The following SYNPR variants were observed in gnomAD, a reference collection of about 807,000 sequenced individuals.
SYNPR encodes the protein synaptoporin.
Under a neutral mutation model 32.9 loss-of-function variants are expected in SYNPR, and 23 were observed. That is an observed-to-expected ratio of 0.70 (90% CI 0.50 to 0.99). The LOEUF is 0.99. Among genes scored for constraint, SYNPR ranks in the 50% least tolerant of loss-of-function variants. The probability of loss-of-function intolerance (pLI) is 0.00; values close to 1 mark genes in which losing one functional copy is unlikely to be tolerated. For synonymous variants in SYNPR, 146 were observed against 135.9 expected (o/e 1.07, Z -0.52); for missense variants, 318 against 349.3 (o/e 0.91, Z 0.71).
intron 2 of SYNPR, among the ~76,000 whole-genome samples, chr3:63,340,420 T>C (rs12489215): frequency 5.8e-3 from 48 of 8,330 alleles, no homozygotes; most frequent in Non-Finnish European, 0.011. Context: ...AAAAAATGTA[T>C]TTTTTTTTTT....
Position 63,342,443 on chromosome 3 carries a change from C to T in SYNPR, c.84+63701C>T, listed in dbSNP as rs534247487. ...ATTGATCGTATTTTGAATGCTGAATCCCATTTGCATACTAGAATAAATCCT... is the reference window on the plus strand; with the variant it reads ...ATTGATCGTATTTTGAATGCTGAATTCCATTTGCATACTAGAATAAATCCT... On this transcript the variant is annotated intron_variant, in intron 2 of 5. Coordinates refer to ENST00000478300, the MANE Select transcript of SYNPR (RefSeq NM_001130003.2). Among the ~76,000 whole-genome samples the T allele has an allele frequency of 4.6e-5, 7 of 152,238 alleles. No individual in the cohort carries two copies. In the East Asian group the frequency reaches 1.2e-3, roughly 25 times the overall value.
intron 4 of SYNPR, among the ~76,000 whole-genome samples, chr3:63,592,007 T>C (rs1699838282): frequency 6.6e-6 from 1 of 151,860 alleles, no homozygotes; most frequent in South Asian, 2.1e-4. Context: ...GCAGATGTAA[T>C]TCAGTTAAGG....
At chr3:63,225,499 G>A (rs1432047076), upstream of SYNPR, among the ~76,000 whole-genome samples, 2 of 152,128 alleles carry the variant, frequency 1.3e-5, no homozygotes, top group East Asian at 3.9e-4. Context: ...CTCAGAAGAA[G>A]GCCCTGAGAT....
At chr3:63,259,860 GA>G (rs2086421812) in intron 2 of SYNPR, among the ~76,000 whole-genome samples, 1 of 152,180 alleles carries the variant, frequency 6.6e-6, no homozygotes, top group Non-Finnish European at 1.5e-5. Flanking sequence ...TAAGGTGATA[GA>G]CAACTTCAGC....
intron 2 of SYNPR, among the ~76,000 whole-genome samples, chr3:63,325,705 G>C (rs909163698): frequency 4.0e-5 from 6 of 151,880 alleles, no homozygotes; most frequent in African/African-American, 1.2e-4. Context: ...CCTGGCTTAG[G>C]TAACCTTGGA....
chr3:63,552,048 C>T (rs1054803339), intron 3 of SYNPR, among the ~76,000 whole-genome samples: 3 of 151,938 alleles, frequency 2.0e-5, no homozygotes, highest in African/African-American at 2.4e-5. Flanking sequence ...CAGGTGCCCG[C>T]CACCATGTCT....
chr3:63,408,235 AAG>A (rs745462812), intron 2 of SYNPR, among the ~76,000 whole-genome samples: 1 of 95,156 alleles, frequency 1.1e-5, no homozygotes, highest in Admixed American at 1.1e-4. Context: ...GAAGGAAAGA[AAG>A]AAAGAAAGAA....
chr3:63,514,743 T>C (rs1701763106), intron 3 of SYNPR, among the ~76,000 whole-genome samples: 1 of 152,168 alleles, frequency 6.6e-6, no homozygotes, highest in Non-Finnish European at 1.5e-5. Context: ...ATTAGCATTT[T>C]GTATTTTAGC....
At chr3:63,455,047 T>C (rs1700455913) in intron 2 of SYNPR, among the ~76,000 whole-genome samples, 1 of 152,108 alleles carries the variant, frequency 6.6e-6, no homozygotes, top group Non-Finnish European at 1.5e-5. Flanking sequence ...TCTTTTTTAA[T>C]ACTTTCTGAT....
At chr3:63,438,083 T>A (rs1700115527) in intron 2 of SYNPR, among the ~76,000 whole-genome samples, 2 of 152,232 alleles carry the variant, frequency 1.3e-5, no homozygotes, top group African/African-American at 4.8e-5. Context: ...TTGGCCGCTC[T>A]GTGCTGGGCA....
chr3:63,540,911 C>CACACACAT (rs1475613721), intron 3 of SYNPR, among the ~76,000 whole-genome samples: 3 of 126,122 alleles, frequency 2.4e-5, no homozygotes, highest in Admixed American at 8.7e-5. Context: ...CACACACACA[C>CACACACAT]ACACACAATC....
intron 4 of SYNPR, among the ~76,000 whole-genome samples, chr3:63,584,701 A>G (rs978007317): frequency 2.6e-5 from 4 of 152,044 alleles, no homozygotes; most frequent in African/African-American, 7.2e-5. Flanking sequence ...AAAGAGGGAA[A>G]GTAGGAATAG....
chr3:63,318,177 G>T (rs750073798), intron 2 of SYNPR, among the ~76,000 whole-genome samples: 3 of 152,016 alleles, frequency 2.0e-5, no homozygotes, highest in Non-Finnish European at 4.4e-5. Flanking sequence ...CTGTCTCACA[G>T]CTTTTAAGAT....
At chr3:63,475,496 C>T (rs553646435) in intron 2 of SYNPR, among the ~76,000 whole-genome samples, 4 of 152,112 alleles carry the variant, frequency 2.6e-5, no homozygotes, top group African/African-American at 9.7e-5. Flanking sequence ...TGGGTTACAC[C>T]TTCAATGTCT....
At chr3:63,371,245 G>A (rs2087808750) in intron 2 of SYNPR, among the ~76,000 whole-genome samples, 1 of 151,682 alleles carries the variant, frequency 6.6e-6, no homozygotes, top group South Asian at 2.1e-4. Flanking sequence ...CACCCCACAG[G>A]GGCCTCCAGA....
At chr3:63,449,360 C>A (rs1192676014) in intron 2 of SYNPR, among the ~76,000 whole-genome samples, 1 of 152,094 alleles carries the variant, frequency 6.6e-6, no homozygotes, top group African/African-American at 2.4e-5. Flanking sequence ...TTCCTGAATT[C>A]ATGGAACTTC....
chr3:63,351,506 T>C (rs2087509702), intron 2 of SYNPR: 1 of 152,162 alleles, frequency 6.6e-6, no homozygotes, highest in Non-Finnish European at 1.5e-5. Flanking sequence ...GACAAGGAAA[T>C]TGAAATTAAA....
intron 2 of SYNPR, among the ~76,000 whole-genome samples, chr3:63,307,506 G>A (rs1344714878): frequency 6.6e-6 from 1 of 152,000 alleles, no homozygotes; most frequent in African/African-American, 2.4e-5. Context: ...AGCATTGACT[G>A]ACATTGTAAT....
intron 2 of SYNPR, among the ~76,000 whole-genome samples, chr3:63,335,596 G>T (rs2087281918): frequency 2.0e-5 from 3 of 151,958 alleles, no homozygotes; most frequent in African/African-American, 4.8e-5. Context: ...AGCTTCCTCT[G>T]ATCTTGGTAG....
Sources: allele counts gnomAD v4.1 joint callset (sites outside exome capture counted in the v4.1 genomes callset), GRCh38; gene constraint gnomAD v4.1.1; transcripts MANE v1.5; gene names NCBI Gene and HGNC (gene_info 2026-07-23, HGNC 2026-07-21).